Variants in LSAMP observed in about 807,000 individuals in gnomAD.
LSAMP encodes limbic system associated membrane protein, also known as limbic system-associated membrane protein.
A neutral mutation model predicts 38.6 loss-of-function variants in LSAMP; 7 were observed. The ratio of observed to expected loss-of-function variants is 0.18; its 90% CI spans 0.10 to 0.34. The LOEUF (loss-of-function observed/expected upper bound fraction) is 0.34, where lower values mean the gene tolerates loss of function less well. Ranked by LOEUF, LSAMP falls within the 10% of genes least tolerant of loss-of-function variation. The pLI, the probability that LSAMP is intolerant of heterozygous loss-of-function variation, is 1.00. For synonymous variants in LSAMP, 154 were observed against 166.8 expected (o/e 0.92, Z 0.59); for missense variants, 313 against 420.0 (o/e 0.75, Z 2.23).
intron 1 of LSAMP, among the ~76,000 whole-genome samples, chr3:116,298,092 A>G (rs988604731): frequency 6.6e-6 from 1 of 152,126 alleles, no homozygotes; most frequent in Admixed American, 6.5e-5. Context: ...TTTATCATTC[A>G]TCTAGGTGTC....
chr3:116,225,753 G>GT (rs5852000), intron 1 of LSAMP, among the ~76,000 whole-genome samples: 11,379 of 146,608 alleles, frequency 0.078, 515 homozygotes, highest in East Asian at 0.11. Context: ...GTATATTATT[G>GT]TTTTTTTTTT....
At position 115,824,896 on chromosome 3, in the gene LSAMP, A is replaced by G. The variant is rs191700151; in HGVS notation, c.920-14482T>C. On this transcript the variant is annotated intron_variant, in intron 6 of 6. Coordinates refer to ENST00000490035, the MANE Select transcript of LSAMP (RefSeq NM_002338.5). ...ACTTGGTAAGAAAGATTAAAAATGC[A>G]GGTTTGGATAGGTCTCCAGAGATTT... Among the ~76,000 whole-genome samples, 14 of 152,270 alleles carry G rather than the reference A, an allele frequency of 9.2e-5. No homozygotes were observed. The East Asian group carries it at 1.4e-3, about 15-fold the overall frequency.
At chr3:116,194,018 A>G (rs1344931442) in intron 1 of LSAMP, among the ~76,000 whole-genome samples, 37 of 152,306 alleles carry the variant, frequency 2.4e-4, no homozygotes. Flanking sequence ...AGTTGCAGTC[A>G]GGGTGCAATT....
chr3:116,073,353 C>T lies in LSAMP; in HGVS notation c.388+12971G>A, dbSNP rs556847491. Among the ~76,000 whole-genome samples, 44 of 152,234 alleles carry T rather than the reference C, an allele frequency of 2.9e-4. 1 individual carries two copies. The South Asian group carries it at 8.5e-3, about 29-fold the overall frequency. ...GTTGGATAGGTTGGATGGTGTGATG[C>T]CTCCAGCTTTATCCTTTTTGCTTAG... On this transcript the variant is annotated intron_variant, in intron 2 of 6. Transcript: ENST00000490035.
At chr3:116,409,139 A>C (rs1029265094) in intron 1 of LSAMP, among the ~76,000 whole-genome samples, 3 of 152,024 alleles carry the variant, frequency 2.0e-5, no homozygotes, top group Non-Finnish European at 2.9e-5. Flanking sequence ...GAGGGTTATC[A>C]TTGACATTGT....
intron 1 of LSAMP, among the ~76,000 whole-genome samples, chr3:116,423,429 G>C (rs1474326557): frequency 6.6e-6 from 1 of 152,076 alleles, no homozygotes; most frequent in Non-Finnish European, 1.5e-5. Context: ...TAAGAGCAAG[G>C]GTGGCAGAGA....
At chr3:116,217,826 T>G (rs2046239177) in intron 1 of LSAMP, among the ~76,000 whole-genome samples, 1 of 152,304 alleles carries the variant, frequency 6.6e-6, no homozygotes, top group South Asian at 2.1e-4. Flanking sequence ...TGCTTATATA[T>G]GCATAACTGC....
chr3:116,138,226 T>C (rs1709292510), intron 1 of LSAMP, among the ~76,000 whole-genome samples: 1 of 152,108 alleles, frequency 6.6e-6, no homozygotes, highest in African/African-American at 2.4e-5. Context: ...CTAAAAATTA[T>C]GCGGCTTTTA....
chr3:115,986,999 G>A (rs572549025), intron 3 of LSAMP, among the ~76,000 whole-genome samples: 4 of 152,240 alleles, frequency 2.6e-5, no homozygotes, highest in African/African-American at 9.6e-5. Context: ...CATGAGCAAG[G>A]CTGTGTATTT....
chr3:115,838,395 G>A (rs566220948), intron 6 of LSAMP, among the ~76,000 whole-genome samples: 1 of 152,308 alleles, frequency 6.6e-6, no homozygotes, highest in African/African-American at 2.4e-5. Context: ...TGGAAACACA[G>A]TCTGTTATGT....
chr3:115,843,769 C>T (rs764973248), intron 4 of LSAMP, among the ~76,000 whole-genome samples: 11 of 151,884 alleles, frequency 7.2e-5, no homozygotes, highest in Non-Finnish European at 1.3e-4. Flanking sequence ...AAAGAATGTA[C>T]GAGAAAGCAT....
intron 3 of LSAMP, among the ~76,000 whole-genome samples, chr3:115,955,839 A>T (rs148526513): frequency 1.3e-5 from 2 of 152,176 alleles, no homozygotes; most frequent in African/African-American, 4.8e-5. Context: ...CATGAATGCT[A>T]TTGGTCCTGA....
At chr3:115,951,031 A>C (rs977959633) in intron 3 of LSAMP, among the ~76,000 whole-genome samples, 2 of 152,136 alleles carry the variant, frequency 1.3e-5, no homozygotes, top group Non-Finnish European at 2.9e-5. Context: ...AGGAAAGGAG[A>C]TCCTGTTCAA....
intron 1 of LSAMP, among the ~76,000 whole-genome samples, chr3:116,376,419 A>T (rs769314203): frequency 6.6e-6 from 1 of 152,040 alleles, no homozygotes; most frequent in Non-Finnish European, 1.5e-5. Context: ...TCAAAAGCAG[A>T]CAAAAACCAA....
At chr3:116,025,843 AT>A (rs1233557133) in intron 2 of LSAMP, among the ~76,000 whole-genome samples, 1 of 152,178 alleles carries the variant, frequency 6.6e-6, no homozygotes, top group Non-Finnish European at 1.5e-5. Flanking sequence ...TATATCATTA[AT>A]TTTTTGAATA....
At chr3:116,137,748 T>C (rs1036477076) in intron 1 of LSAMP, among the ~76,000 whole-genome samples, 7 of 152,172 alleles carry the variant, frequency 4.6e-5, no homozygotes, top group Admixed American at 1.3e-4. Flanking sequence ...ATTCTAGAGA[T>C]GAGACCATTG....
intron 3 of LSAMP, among the ~76,000 whole-genome samples, chr3:115,962,478 G>T: frequency 6.6e-6 from 1 of 152,192 alleles, no homozygotes; most frequent in African/African-American, 2.4e-5. Flanking sequence ...ATCCAGGTGT[G>T]AGTCCCAGCT....
chr3:116,207,436 A>G (rs905803093), intron 1 of LSAMP, among the ~76,000 whole-genome samples: 43 of 149,036 alleles, frequency 2.9e-4, no homozygotes, highest in Admixed American at 1.2e-3. Context: ...TGTGAATTTG[A>G]TCCTGTCATT....
At chr3:116,121,290 G>A (rs1708870014) in intron 1 of LSAMP, among the ~76,000 whole-genome samples, 1 of 152,170 alleles carries the variant, frequency 6.6e-6, no homozygotes, top group African/African-American at 2.4e-5. Flanking sequence ...CCAGAAACAA[G>A]TTTGCAACAT....
Sources: gnomAD v4.1 joint callset for allele counts (sites outside exome capture counted in the v4.1 genomes callset) on GRCh38, gnomAD v4.1.1 for gene constraint, MANE v1.5 for transcripts, NCBI Gene and HGNC (gene_info 2026-07-23, HGNC 2026-07-21) for gene names.